The following EPHA6 variants were observed in gnomAD, a reference collection of about 807,000 sequenced individuals.
The protein encoded by EPHA6 is ephrin type-A receptor 6.
EPHA6 carries 50 observed loss-of-function variants against 112.0 expected under a neutral mutation model. That is an observed-to-expected ratio of 0.45 (90% CI 0.36 to 0.56). The LOEUF (loss-of-function observed/expected upper bound fraction) is 0.56. EPHA6 is among the 20% of genes least tolerant of loss of function. EPHA6 has a pLI of 0.00. For synonymous variants in EPHA6, 529 were observed against 490.7 expected, an observed-to-expected ratio of 1.08 and a Z score of -1.03; for missense variants, 1,280 against 1,417.4, an observed-to-expected ratio of 0.90 and a Z score of 1.56.
chr3:96,844,700 G>T (rs1451163218), intron 1 of EPHA6, among the ~76,000 whole-genome samples: 4 of 151,912 alleles, frequency 2.6e-5, no homozygotes, highest in Non-Finnish European at 5.9e-5. Flanking sequence ...ATCAATGGTT[G>T]GGTATACATG....
At chr3:96,995,778 A>G (rs2043398326) in intron 3 of EPHA6, among the ~76,000 whole-genome samples, 1 of 152,120 alleles carries the variant, frequency 6.6e-6, no homozygotes, top group South Asian at 2.1e-4. Context: ...ATTGCTAACA[A>G]TCATCTGAGC....
At chr3:96,976,642 G>A (rs979513307) in intron 2 of EPHA6, among the ~76,000 whole-genome samples, 13 of 151,972 alleles carry the variant, frequency 8.6e-5, no homozygotes, top group Non-Finnish European at 1.6e-4. Flanking sequence ...ATCATCTTTA[G>A]ACCCAGGAAG....
At position 97,420,395 on chromosome 3, in the gene EPHA6, T is replaced by C. The variant is rs909972829; in HGVS notation, c.1731+15121T>C. ...TAACAAATATTATAGAGATTGGAAATATAATGAATTTTCCAAGATCAAATT... is the reference window on the plus strand; with the variant it reads ...TAACAAATATTATAGAGATTGGAAACATAATGAATTTTCCAAGATCAAATT... On this transcript the variant is annotated intron_variant, in intron 6 of 17. Transcript: ENST00000389672. 2.6e-5 allele frequency among the ~76,000 whole-genome samples: 4 copies of C among 151,936 alleles called. No individual in the cohort carries two copies. In the East Asian group the frequency reaches 5.8e-4, roughly 22 times the overall value.
intron 11 of EPHA6, among the ~76,000 whole-genome samples, chr3:97,561,845 A>G (rs1045595400): frequency 2.1e-4 from 32 of 152,138 alleles, no homozygotes; most frequent in Non-Finnish European, 4.3e-4. Context: ...GCAGCTGGTG[A>G]CTTTAAAAGG....
chr3:97,681,934 T>C (rs1203376022), intron 14 of EPHA6, among the ~76,000 whole-genome samples: 4 of 152,044 alleles, frequency 2.6e-5, no homozygotes, highest in Non-Finnish European at 5.9e-5. Context: ...ATATTACATA[T>C]GTAATTTTAG....
chr3:97,753,046 C>T lies in EPHA6; in HGVS notation c.*4345C>T, dbSNP rs1282219724. On this transcript the variant is annotated 3_prime_UTR_variant, in exon 18 of 18. Coordinates refer to ENST00000389672, the MANE Select transcript of EPHA6 (RefSeq NM_001080448.3). ...TACACTGGGTTAAATGGATGGTATT[C>T]TTCCACCAGAATATAAGATACTTAA... is the stretch of plus-strand genomic sequence containing the variant. Among the ~76,000 whole-genome samples, 5 of 152,110 alleles carry T rather than the reference C, an allele frequency of 3.3e-5. No homozygotes were observed. Among genetic ancestry groups the T allele is most frequent in the African/African-American group, 1.2e-4 (5 of 41,442 alleles).
At chr3:96,977,821 A>C (rs1293808449) in intron 2 of EPHA6, among the ~76,000 whole-genome samples, 1 of 152,158 alleles carries the variant, frequency 6.6e-6, no homozygotes, top group Non-Finnish European at 1.5e-5. Context: ...TATATATTAC[A>C]CATACTGTAT....
At chr3:97,269,595 GTAGCTTTAAAAAC>G (rs1190226346) in intron 5 of EPHA6, among the ~76,000 whole-genome samples, 4 of 152,128 alleles carry the variant, frequency 2.6e-5, no homozygotes, top group Admixed American at 2.0e-4. Flanking sequence ...AACCACTTGG[GTAGCTTTAAAAAC>G]TAGCACCGTT....
chr3:97,047,801 A>G (rs2045562166), intron 3 of EPHA6, among the ~76,000 whole-genome samples: 1 of 152,152 alleles, frequency 6.6e-6, no homozygotes, highest in East Asian at 1.9e-4. Flanking sequence ...AATTGCACTA[A>G]AAACCATATC....
intron 5 of EPHA6, among the ~76,000 whole-genome samples, chr3:97,390,223 G>A (rs192186277): frequency 6.6e-6 from 1 of 152,202 alleles, no homozygotes; most frequent in Non-Finnish European, 1.5e-5. Context: ...AACAATGGCA[G>A]TGAATTTGCT....
At chr3:97,379,061 C>T (rs561328108) in intron 5 of EPHA6, among the ~76,000 whole-genome samples, 68 of 152,242 alleles carry the variant, frequency 4.5e-4, no homozygotes, top group African/African-American at 1.5e-3. Context: ...CAGCTGTACT[C>T]CCATAATTGC....
intron 15 of EPHA6, among the ~76,000 whole-genome samples, chr3:97,728,682 T>A (rs1576363816): frequency 6.6e-6 from 1 of 152,064 alleles, no homozygotes; most frequent in Non-Finnish European, 1.5e-5. Context: ...GCAGACAGAG[T>A]CCAGTCCTCT....
At chr3:96,941,273 T>C (rs1429329875) in intron 2 of EPHA6, among the ~76,000 whole-genome samples, 2 of 152,220 alleles carry the variant, frequency 1.3e-5, no homozygotes, top group African/African-American at 4.8e-5. Flanking sequence ...CATAGTCCCA[T>C]ATTTCCTGGA....
intron 12 of EPHA6, among the ~76,000 whole-genome samples, chr3:97,599,662 T>G (rs1473238459): frequency 2.0e-5 from 3 of 152,100 alleles, no homozygotes; most frequent in Non-Finnish European, 2.9e-5. Context: ...CTGTTTTGGT[T>G]ACTGTAGCCT....
At chr3:97,139,193 G>C (rs1384123411) in intron 3 of EPHA6, among the ~76,000 whole-genome samples, 1 of 152,104 alleles carries the variant, frequency 6.6e-6, no homozygotes, top group African/African-American at 2.4e-5. Flanking sequence ...CCAGGGCCCT[G>C]CCCATTACCA....
intron 5 of EPHA6, among the ~76,000 whole-genome samples, chr3:97,328,052 C>CATATATAAATATATATATATATATATAT (rs1490094035): frequency 1.8e-5 from 1 of 56,998 alleles, no homozygotes; most frequent in African/African-American, 8.6e-5. Flanking sequence ...CACATATATA[C>CATATATAAATATATATATATATATATAT]ACATATATAT....
rs570326818 is a variant in EPHA6 at position 97,626,780 on chromosome 3, G to T, written c.2575-11093G>T. 4.0e-5 allele frequency among the ~76,000 whole-genome samples: 6 copies of T among 151,878 alleles called. No homozygotes were observed. In the East Asian group the frequency reaches 7.8e-4, roughly 20 times the overall value. On this transcript the variant is annotated intron_variant, in intron 13 of 17. Transcript: ENST00000389672. ...CTTAAAATTTGCTATGTTGGGAGTA[G>T]TTACACCACAGGAATTGGCAAATGC...
chr3:97,011,027 T>C lies in EPHA6; in HGVS notation c.1114+23034T>C, dbSNP rs140469498. 4.8e-3 allele frequency among the ~76,000 whole-genome samples: 729 copies of C among 152,284 alleles called. 5 individuals carry two copies. The highest frequency in any genetic ancestry group is 0.014 in the Middle Eastern group (4 of 294). ...AAAGGAGTGTTAGTCAAGTGCTTGC[T>C]ACTTACTTGTAACCAAACTAAGGTT... On this transcript the variant is annotated intron_variant, in intron 3 of 17. Transcript: ENST00000389672.
intron 11 of EPHA6, among the ~76,000 whole-genome samples, chr3:97,567,354 T>TG (rs2093279917): frequency 6.6e-6 from 1 of 152,174 alleles, no homozygotes; most frequent in Non-Finnish European, 1.5e-5. Flanking sequence ...TGCACAACTT[T>TG]GGGGGACATC....
Sources: allele counts gnomAD v4.1 joint callset (sites outside exome capture counted in the v4.1 genomes callset), GRCh38; gene constraint gnomAD v4.1.1; transcripts MANE v1.5; gene names NCBI Gene and HGNC (gene_info 2026-07-23, HGNC 2026-07-21).